CIT: variants seen among roughly 807,000 people sequenced by gnomAD.
The protein encoded by CIT is citron Rho-interacting kinase.
In CIT, 79 loss-of-function variants were observed where a neutral mutation model predicts 272.7. The observed-to-expected ratio is 0.29, with a 90% CI of 0.24 to 0.35. The LOEUF is 0.35. Among genes scored for constraint, CIT ranks in the 10% least tolerant of loss-of-function variants. The pLI, the probability that CIT is intolerant of heterozygous loss-of-function variation, is 1.00. For missense variants in CIT, 1,909 were observed against 2,618.3 expected (o/e 0.73, Z 5.91); for synonymous variants, 948 against 995.6 (o/e 0.95, Z 0.90).
chr12:119,862,286 C>G (rs370688570), intron 3 of CIT, among the ~76,000 whole-genome samples: 1 of 152,126 alleles, frequency 6.6e-6, no homozygotes, highest in Non-Finnish European at 1.5e-5. Context: ...TGAGCCACTA[C>G]ACCTGGCCAC....
chr12:119,705,417 G>A (rs948030028), intron 40 of CIT, among the ~76,000 whole-genome samples: 7 of 152,128 alleles, frequency 4.6e-5, no homozygotes, highest in African/African-American at 1.7e-4. Context: ...CTGGTACAGT[G>A]GGAGAATGAA....
At chr12:119,798,269 A>G (rs1965911429) in intron 10 of CIT, among the ~76,000 whole-genome samples, 1 of 152,122 alleles carries the variant, frequency 6.6e-6, no homozygotes, top group South Asian at 2.1e-4. Context: ...GTGATTCTCT[A>G]CAAATAGCTT....
chr12:119,800,678 C>G (rs1566063186), intron 10 of CIT, among the ~76,000 whole-genome samples: 1 of 152,130 alleles, frequency 6.6e-6, no homozygotes, highest in Non-Finnish European at 1.5e-5. Flanking sequence ...AAATAAAAAC[C>G]TGTGATGCTG....
At chr12:119,845,391 G>A (rs1428817326) in intron 5 of CIT, among the ~76,000 whole-genome samples, 1 of 152,024 alleles carries the variant, frequency 6.6e-6, no homozygotes, top group Non-Finnish European at 1.5e-5. Context: ...AGTGGCTCAT[G>A]CCTGTAATTC....
Position 119,728,474 on chromosome 12 carries a change from G to T in CIT, c.3591+28C>A. 1 of 1,437,420 alleles carries T rather than the reference G, an allele frequency of 7.0e-7. No homozygotes were observed. Among genetic ancestry groups the T allele is most frequent in the Non-Finnish European group, 9.6e-7 (1 of 1,042,392 alleles). The allele number at this position is 1,437,420 out of a possible 1,614,324, so 89.0% of individuals were successfully genotyped here. On this transcript the variant is annotated intron_variant, in intron 28 of 47. Transcript: ENST00000392521. The surrounding 1 kb of genome is among the most constrained non-coding windows in gnomAD (Gnocchi z 4.3). ...TTAAAAGAAAAAAAAAATCCACTTG[G>T]CCCTTCTCCCAGGTATTTCACACTC... is the stretch of plus-strand genomic sequence containing the variant.
intron 3 of CIT, among the ~76,000 whole-genome samples, chr12:119,865,192 T>A (rs778754987): frequency 1.3e-5 from 2 of 152,158 alleles, no homozygotes; most frequent in Non-Finnish European, 2.9e-5. Context: ...GAAAAAAATC[T>A]ACATTCCACT....
rs374845734 is a variant in CIT at position 119,854,843 on chromosome 12, C to G, written c.414+2680G>C. ...GCAGGTGCCTGTAATCCCAGCTATTCAGGAGGCTGAGCAAGAAGAATCGCT... is the reference window on the plus strand; with the variant it reads ...GCAGGTGCCTGTAATCCCAGCTATTGAGGAGGCTGAGCAAGAAGAATCGCT... On this transcript the variant is annotated intron_variant, in intron 4 of 47. Coordinates refer to ENST00000392521, the MANE Select transcript of CIT (RefSeq NM_001206999.2). Among the ~76,000 whole-genome samples the G allele has an allele frequency of 4.5e-4, 68 of 152,086 alleles. No individual in the cohort carries two copies. In the East Asian group the frequency reaches 9.5e-3, roughly 21 times the overall value.
At position 119,734,117 on chromosome 12, in the gene CIT, C is replaced by G. The variant is rs776754635; in HGVS notation, c.3350+47G>C. ...CCTGTCCACAACTCTCAGGCCGATC[C>G]TCCTGCGGTCACCTGTCATGAGCTT... On this transcript the variant is annotated intron_variant, in intron 26 of 47. Transcript: ENST00000392521. The G allele has an allele frequency of 4.4e-6, 7 of 1,593,018 alleles. No individual in the cohort carries two copies. The African/African-American group carries it at 8.1e-5, about 18-fold the overall frequency.
intron 19 of CIT, among the ~76,000 whole-genome samples, chr12:119,766,277 A>G (rs1409844678): frequency 2.0e-5 from 3 of 152,226 alleles, no homozygotes; most frequent in African/African-American, 7.2e-5. Context: ...TACAGATACA[A>G]CAATGGAGTA....
chr12:119,734,388 G>T (rs376764349), intron 25 of CIT, 31 bp from the exon 26 acceptor site: 7 of 1,602,178 alleles, frequency 4.4e-6, no homozygotes, highest in Non-Finnish European at 5.1e-6. Context: ...TTTGTGCCTT[G>T]TCTTTAAACA....
chr12:119,863,288 A>C (rs1458226030), intron 3 of CIT, among the ~76,000 whole-genome samples: 2 of 151,634 alleles, frequency 1.3e-5, no homozygotes, highest in African/African-American at 4.9e-5. Flanking sequence ...ACATGTTCTC[A>C]CATATAAATG....
intron 19 of CIT, among the ~76,000 whole-genome samples, chr12:119,761,608 G>A (rs1452201088): frequency 2.0e-5 from 3 of 152,092 alleles, no homozygotes; most frequent in African/African-American, 4.8e-5. Flanking sequence ...GGGACAAGAG[G>A]CTTTTGGCCA....
rs758338093 is a variant in CIT, at chr12:119,704,360, T to C, written c.5304+3A>G. 3.7e-6 allele frequency: 6 copies of C among 1,613,828 alleles called. No individual in the cohort carries two copies. In the East Asian group the frequency reaches 1.3e-4, roughly 36 times the overall value. On this transcript the variant is annotated splice_donor_region_variant and intron_variant, in intron 41 of 47. Coordinates refer to ENST00000392521, the MANE Select transcript of CIT (RefSeq NM_001206999.2). ...TTCAACCAAGGCAAGGCCCAGGACT[T>C]ACTTTCCGGATGCAGTATTTGCTGA...
At chr12:119,847,853 T>C (rs111957367) in intron 5 of CIT, among the ~76,000 whole-genome samples, 4,349 of 152,244 alleles carry the variant, frequency 0.029, 192 homozygotes, top group African/African-American at 0.099. Context: ...ATTGAGCCAT[T>C]GCACTCCAGC....
chr12:119,746,970 A>G (rs1959510693), intron 23 of CIT, among the ~76,000 whole-genome samples: 2 of 152,214 alleles, frequency 1.3e-5, no homozygotes, highest in African/African-American at 4.8e-5. Flanking sequence ...AGACAGCAAA[A>G]CGCATAAGAC....
chr12:119,708,656 T>G (rs1442348870), intron 39 of CIT, among the ~76,000 whole-genome samples: 2 of 151,896 alleles, frequency 1.3e-5, no homozygotes, highest in Admixed American at 1.3e-4. Flanking sequence ...TGGCTAATTT[T>G]TTTTTGTATT....
chr12:119,802,586 A>G (rs1966291998), intron 10 of CIT, among the ~76,000 whole-genome samples: 1 of 152,018 alleles, frequency 6.6e-6, no homozygotes, highest in Non-Finnish European at 1.5e-5. Context: ...CTGGTGGCTC[A>G]CAGTAACGGG....
At chr12:119,758,730 C>T (rs1961355926) in intron 20 of CIT, 30 bp from the exon 21 acceptor site, 5 of 1,412,250 alleles carry the variant, frequency 3.5e-6, no homozygotes, top group Middle Eastern at 1.8e-4. Flanking sequence ...TGAAACTTCA[C>T]ACACCAGAAC....
chr12:119,704,276 C>T, intron 41 of CIT, 87 bp downstream of exon 41: 1 of 1,257,422 alleles, frequency 8.0e-7, no homozygotes, highest in Non-Finnish European at 1.2e-6. Flanking sequence ...CAGGCTGTGT[C>T]CCAGGACAGT....
Sources: allele counts gnomAD v4.1 joint callset (sites outside exome capture counted in the v4.1 genomes callset), GRCh38; gene constraint gnomAD v4.1.1; non-coding constraint Gnocchi (gnomAD v3.1); transcripts MANE v1.5; gene names NCBI Gene and HGNC (gene_info 2026-07-23, HGNC 2026-07-21).